Variants in RGS22 observed in about 807,000 individuals in gnomAD.
RGS22 encodes the protein regulator of G protein signaling 22.
A neutral mutation model predicts 172.9 loss-of-function variants in RGS22; 148 were observed. The ratio of observed to expected loss-of-function variants is 0.86; its 90% CI spans 0.75 to 0.98. The LOEUF (loss-of-function observed/expected upper bound fraction) is 0.98, where lower values mean the gene tolerates loss of function less well. RGS22 is among the 50% of genes least tolerant of loss of function. The pLI, the probability that RGS22 is intolerant of heterozygous loss-of-function variation, is 0.00. For missense variants in RGS22, 1,347 were observed against 1,440.8 expected, an observed-to-expected ratio of 0.93 and a Z score of 1.05; for synonymous variants, 458 against 480.2, an observed-to-expected ratio of 0.95 and a Z score of 0.60.
intron 3 of RGS22, among the ~76,000 whole-genome samples, chr8:100,081,436 T>C (rs1277197326): frequency 6.6e-6 from 1 of 150,920 alleles, no homozygotes; most frequent in Non-Finnish European, 1.5e-5. Flanking sequence ...CTGTCTCCCC[T>C]TCTGAGGAAT....
At chr8:100,104,362 AT>A (rs112962010) in intron 2 of RGS22, among the ~76,000 whole-genome samples, 3,841 of 79,364 alleles carry the variant, frequency 0.048, 171 homozygotes, top group African/African-American at 0.13. Context: ...GTGTGTGTGT[AT>A]TTTTTTTTTT....
intron 19 of RGS22, 55 bp from the exon 20 acceptor site, chr8:99,996,585 C>G: frequency 6.5e-6 from 9 of 1,378,846 alleles, no homozygotes; most frequent in Non-Finnish European, 8.2e-6. Flanking sequence ...GGCTTGAAAT[C>G]ATTTACTAAT....
chr8:100,028,335 T>C (rs184997354), intron 14 of RGS22, among the ~76,000 whole-genome samples: 1 of 152,090 alleles, frequency 6.6e-6, no homozygotes. Flanking sequence ...TCAGGTAATC[T>C]AGGCTGCCAA....
chr8:100,060,421 T>TATATATACACAC (rs1245783464), intron 9 of RGS22, among the ~76,000 whole-genome samples: 3 of 119,482 alleles, frequency 2.5e-5, no homozygotes, highest in Admixed American at 8.7e-5. Flanking sequence ...TATATATATA[T>TATATATACACAC]ACACACACAC....
intron 16 of RGS22, among the ~76,000 whole-genome samples, chr8:100,005,592 A>T (rs558369790): frequency 6.6e-6 from 1 of 152,192 alleles, no homozygotes; most frequent in South Asian, 2.1e-4. Flanking sequence ...TCCTTCCCAT[A>T]CTTTTTCTTC....
chr8:99,998,136 C>T (rs548412056), intron 19 of RGS22, among the ~76,000 whole-genome samples: 2 of 152,208 alleles, frequency 1.3e-5, no homozygotes, highest in South Asian at 4.1e-4. Flanking sequence ...TAATTCTTCT[C>T]CCATTTGATA....
chr8:100,063,950 CCTTCTT>C lies in RGS22; in HGVS notation c.812_817del (p.Glu271_Glu272del), dbSNP rs745432794. 6 of 1,576,154 alleles carry C rather than the reference CCTTCTT, an allele frequency of 3.8e-6. No individual in the cohort carries two copies. In the African/African-American group the frequency reaches 6.8e-5, roughly 18 times the overall value. On this transcript the variant is annotated inframe_deletion, in exon 8 of 28. Coordinates refer to ENST00000360863, the MANE Select transcript of RGS22 (RefSeq NM_015668.5). ...AGATACAGACACCTCTTCTTCTTCT[CCTTCTT>C]CTTCTTCAAATTCAGAAATCAATTT...
chr8:100,049,775 T>C (rs1168021567), intron 10 of RGS22, among the ~76,000 whole-genome samples: 1 of 152,010 alleles, frequency 6.6e-6, no homozygotes, highest in Non-Finnish European at 1.5e-5. Context: ...AGGTTAGGCG[T>C]GGTGGCTCAA....
At chr8:100,050,783 G>A (rs908519791) in intron 10 of RGS22, 1 of 151,768 alleles carries the variant, frequency 6.6e-6, no homozygotes, top group African/African-American at 2.4e-5. Flanking sequence ...TTCCCCATTT[G>A]AAAAAATGCT....
chr8:100,053,287 T>TGAC (rs1324333918), intron 9 of RGS22, among the ~76,000 whole-genome samples: 5 of 152,078 alleles, frequency 3.3e-5, no homozygotes, highest in African/African-American at 1.2e-4. Context: ...CTGGGCATGG[T>TGAC]GATGGGCGCC....
intron 23 of RGS22, among the ~76,000 whole-genome samples, chr8:99,973,641 G>A (rs1182525501): frequency 1.3e-5 from 2 of 152,032 alleles, no homozygotes; most frequent in African/African-American, 2.4e-5. Flanking sequence ...AGACTGAGGC[G>A]GGCAAATCAC....
chr8:100,038,986 T>G lies in RGS22; in HGVS notation c.2111A>C (p.His704Pro). 6.2e-7 allele frequency: 1 copy of G among 1,613,298 alleles called. No homozygotes were observed. Among genetic ancestry groups the G allele is most frequent in the Non-Finnish European group, 8.5e-7 (1 of 1,179,560 alleles). ...AAGTGTTTCTTGGTAGAAAAGCTGA[T>G]GATAAGCCTGCAGGTCAAACCAAAA... ...VYFWFDLQAY[H>P]QLFYQETLQP... is the part of the protein sequence containing the mutation. Residue 704 changes from histidine (H) to proline (P), a missense_variant, in exon 14 of 28, where the codon CAT becomes CCT. Physicochemically the swap from His to Pro is moderately conservative, Grantham distance 77. Transcript: ENST00000360863.
intron 23 of RGS22, among the ~76,000 whole-genome samples, chr8:99,967,187 C>A (rs1241973184): frequency 6.6e-6 from 1 of 152,178 alleles, no homozygotes; most frequent in Non-Finnish European, 1.5e-5. Flanking sequence ...ATGATGCACT[C>A]CAACCCAGAT....
intron 10 of RGS22, among the ~76,000 whole-genome samples, chr8:100,052,580 A>G (rs977319015): frequency 1.3e-5 from 2 of 152,086 alleles, no homozygotes; most frequent in African/African-American, 4.8e-5. Context: ...GATTACAGGC[A>G]TGAGCCACCG....
At chr8:100,086,928 C>T (rs1366657602) in intron 3 of RGS22, among the ~76,000 whole-genome samples, 1 of 152,108 alleles carries the variant, frequency 6.6e-6, no homozygotes, top group African/African-American at 2.4e-5. Flanking sequence ...TGCAAAGCCA[C>T]ATTCTGTTGG....
chr8:100,028,158 T>C (rs1054107782), intron 14 of RGS22, among the ~76,000 whole-genome samples: 3 of 152,108 alleles, frequency 2.0e-5, no homozygotes, highest in Admixed American at 1.3e-4. Flanking sequence ...CACTTCTTGG[T>C]TTATCCATGA....
At chr8:100,072,407 T>G (rs1811053233) in intron 4 of RGS22, among the ~76,000 whole-genome samples, 177 bp from the exon 5 acceptor site, 1 of 133,168 alleles carries the variant, frequency 7.5e-6, no homozygotes, top group Admixed American at 8.3e-5. Flanking sequence ...AGGCACTTCT[T>G]GCCCCTGGTA....
At chr8:100,089,358 A>G (rs149011095) in intron 3 of RGS22, among the ~76,000 whole-genome samples, 52 of 152,164 alleles carry the variant, frequency 3.4e-4, no homozygotes, top group African/African-American at 1.2e-3. Context: ...GTGAGTGAAA[A>G]TCAAATCAAT....
At chr8:100,009,304 G>A (rs1816092050) in intron 14 of RGS22, among the ~76,000 whole-genome samples, 1 of 151,904 alleles carries the variant, frequency 6.6e-6, no homozygotes, top group Non-Finnish European at 1.5e-5. Context: ...TGTAATCACA[G>A]CTACTTAGGA....
Sources: gnomAD v4.1 joint callset for allele counts (sites outside exome capture counted in the v4.1 genomes callset) on GRCh38, gnomAD v4.1.1 for gene constraint, MANE v1.5 for transcripts, NCBI Gene and HGNC (gene_info 2026-07-23, HGNC 2026-07-21) for gene names.